The following INAVA variants were observed in gnomAD, a reference collection of about 807,000 sequenced individuals.
INAVA encodes the protein innate immunity activator protein.
In INAVA, 32 loss-of-function variants were observed where a neutral mutation model predicts 55.3. The ratio of observed to expected loss-of-function variants is 0.58; its 90% confidence interval spans 0.44 to 0.78. The LOEUF is 0.78. INAVA is among the 30% of genes least tolerant of loss of function. INAVA has a pLI of 0.00. For missense variants in INAVA, 756 were observed against 786.4 expected, an observed-to-expected ratio of 0.96 and a Z score of 0.46; for synonymous variants, 294 against 329.4, an observed-to-expected ratio of 0.89 and a Z score of 1.16.
chr1:200,893,711 T>C (rs564370336), upstream of INAVA, among the ~76,000 whole-genome samples: 188 of 152,264 alleles, frequency 1.2e-3, 1 homozygote, highest in Non-Finnish European at 2.4e-3. Flanking sequence ...AAAGGGTGTG[T>C]ACAGGAATGT....
intron 1 of INAVA, among the ~76,000 whole-genome samples, chr1:200,897,642 T>A (rs2102301278): frequency 6.6e-6 from 1 of 152,280 alleles, no homozygotes; most frequent in South Asian, 2.1e-4. Flanking sequence ...CCTTTCTTTT[T>A]TTTTTGGAGA....
chr1:200,911,628 A>G lies in INAVA; in HGVS notation c.1135A>G (p.Ile379Val), dbSNP rs1167769760. 1.2e-6 allele frequency: 2 copies of G among 1,613,876 alleles called. No individual in the cohort carries two copies. Among genetic ancestry groups the G allele is most frequent in the South Asian group, 1.1e-5 (1 of 91,060 alleles). ...SEDSGSDVSSISHPTSPGSSS... is the reference protein window; with the variant it reads ...SEDSGSDVSSVSHPTSPGSSS... ...AGACAGTGGCTCTGACGTCTCCAGC[A>G]TCTCCCACCCCACTTCGCCGGGCAG... Residue 379 changes from isoleucine to valine, a missense_variant, in exon 9 of 10, where the codon ATC becomes GTC. By Grantham distance (29) the Ile-to-Val change is conservative (BLOSUM62 3). Around this residue, in one of 2 missense-constraint regions of INAVA, gnomAD observed 639 missense variants for 624.3 expected, o/e 1.02. Coordinates refer to ENST00000413687, the MANE Select transcript of INAVA (RefSeq NM_001142569.3).
rs1161135748 is a variant in INAVA at position 200,900,959 on chromosome 1, G to T, written c.320G>T (p.Arg107Leu). 5.8e-6 allele frequency: 9 copies of T among 1,552,146 alleles called. No individual in the cohort carries two copies. Among genetic ancestry groups the T allele is most frequent in the African/African-American group, 4.1e-5 (3 of 73,176 alleles). ...CAGGACCCCCTAAGCAGCCTGGAGC[G>T]CCAGCTGGCCCTGCAGCTGCAGATC... The part of the protein sequence containing the change: ...HREDPLSSLE[R>L]QLALQLQITE... The change falls in exon 5 of 10, where the codon CGC (arginine) becomes CTC (leucine). Residue 107 changes from arginine (R) to leucine (L), a missense_variant. By Grantham distance (102) the Arg-to-Leu change is moderately radical. Around this residue, in one of 2 missense-constraint regions of INAVA, gnomAD observed 639 missense variants for 624.3 expected, o/e 1.02. Coordinates refer to ENST00000413687, the MANE Select transcript of INAVA (RefSeq NM_001142569.3).
rs1653613370 is a variant in INAVA at position 200,909,136 on chromosome 1, C to G, written c.786-88C>G. ...GTTTGCCCTACTAACTTTGGGAGCCCCTTCCACTGCATCCCCATTCTTCTG... is the reference window on the plus strand; with the variant it reads ...GTTTGCCCTACTAACTTTGGGAGCCGCTTCCACTGCATCCCCATTCTTCTG... On this transcript the variant is annotated intron_variant, in intron 7 of 9. Coordinates refer to ENST00000413687, the MANE Select transcript of INAVA (RefSeq NM_001142569.3). 3.5e-6 allele frequency: 5 copies of G among 1,429,040 alleles called. No individual in the cohort carries two copies. The South Asian group carries it at 7.4e-5, about 21-fold the overall frequency. The allele number at this position is 1,429,040 out of a possible 1,614,324, so 88.5% of individuals were successfully genotyped here. A position where few individuals can be genotyped will look rare whatever the true frequency, so the allele number is the denominator to read the frequency against.
intron 2 of INAVA, 51 bp from the exon 3 acceptor site, chr1:200,899,422 G>A (rs1386509319): frequency 1.2e-6 from 2 of 1,610,316 alleles, no homozygotes; most frequent in Admixed American, 1.7e-5. Flanking sequence ...AAGTAACGGA[G>A]GAGGCTTCCA....
At chr1:200,906,733 G>A (rs184999177) in intron 5 of INAVA, among the ~76,000 whole-genome samples, 16 of 152,236 alleles carry the variant, frequency 1.1e-4, no homozygotes, top group South Asian at 6.2e-4. Context: ...CCTACCTTGC[G>A]TTCCTCTTGT....
chr1:200,907,700 CAG>C (rs1475254531), intron 5 of INAVA, 132 bp from the exon 6 acceptor site: 2 of 607,600 alleles, frequency 3.3e-6, no homozygotes, highest in Non-Finnish European at 5.7e-6. Flanking sequence ...ATTTAGCACA[CAG>C]AGGGTATTTC....
At position 200,907,804 on chromosome 1, in the gene INAVA, C is replaced by T. The variant is rs1653557156; in HGVS notation, c.521-30C>T. On this transcript the variant is annotated intron_variant, in intron 5 of 9. Coordinates refer to ENST00000413687, the MANE Select transcript of INAVA (RefSeq NM_001142569.3). ...ATCTGTTTGTTCATTTCTTCACTTCCTTCTCTTCTCTCCCCTTTGTCTTTC... is the reference window on the plus strand; with the variant it reads ...ATCTGTTTGTTCATTTCTTCACTTCTTTCTCTTCTCTCCCCTTTGTCTTTC... 6.9e-6 allele frequency: 11 copies of T among 1,596,568 alleles called. No individual in the cohort carries two copies. In the East Asian group the frequency reaches 2.3e-4, roughly 33 times the overall value.
In INAVA at chr1:200,900,102, A is replaced by T; in HGVS notation, c.181-2A>T. On this transcript the variant is annotated splice_acceptor_variant, in intron 3 of 9. Coordinates refer to ENST00000413687, the MANE Select transcript of INAVA (RefSeq NM_001142569.3). LOFTEE classifies it high-confidence loss of function. ...CCTGGCTGGTCTCTGCTTCCTCCCC[A>T]GGAGCTGACGGGCACCTTGCCAGCG... 1 of 1,610,198 alleles carries T rather than the reference A, an allele frequency of 6.2e-7. No homozygotes were observed. Among genetic ancestry groups the T allele is most frequent in the South Asian group, 1.1e-5 (1 of 90,372 alleles).
At chr1:200,910,823 G>T (rs1653681172) in intron 8 of INAVA, among the ~76,000 whole-genome samples, 1 of 152,170 alleles carries the variant, frequency 6.6e-6, no homozygotes. Context: ...GGCAGACACA[G>T]CCCCATACCT....
chr1:200,898,523 C>T (rs937393937), intron 2 of INAVA, 68 bp downstream of exon 2: 4 of 1,554,646 alleles, frequency 2.6e-6, no homozygotes, highest in Admixed American at 1.7e-5. Context: ...GGCCCTGACT[C>T]CTGAGTCCTG....
chr1:200,896,591 T>C (rs552597305), intron 1 of INAVA, among the ~76,000 whole-genome samples: 1 of 152,376 alleles, frequency 6.6e-6, no homozygotes, highest in South Asian at 2.1e-4. Context: ...CCTTGAATAA[T>C]TGAAATTCCA....
intron 5 of INAVA, among the ~76,000 whole-genome samples, chr1:200,902,429 C>T (rs1253673342): frequency 6.6e-6 from 1 of 152,252 alleles, no homozygotes; most frequent in African/African-American, 2.4e-5. Context: ...GAGGAGGTGC[C>T]TCCATGTGAC....
upstream of INAVA, chr1:200,891,534 A>T: frequency 1.2e-6 from 2 of 1,605,396 alleles, no homozygotes; most frequent in East Asian, 2.3e-5. Context: ...GATCTTTAAC[A>T]TTTGGGATGC....
upstream of INAVA, among the ~76,000 whole-genome samples, chr1:200,892,570 T>C (rs574648179): frequency 6.6e-6 from 1 of 152,280 alleles, no homozygotes; most frequent in Admixed American, 6.5e-5. Context: ...TACTATAATG[T>C]TTTGCAAGGA....
intron 8 of INAVA, among the ~76,000 whole-genome samples, chr1:200,910,438 G>A (rs1238351374): frequency 6.6e-6 from 1 of 152,186 alleles, no homozygotes; most frequent in African/African-American, 2.4e-5. Context: ...GCGTTGACAG[G>A]CAGTATTGGC....
intron 7 of INAVA, 74 bp from the exon 8 acceptor site, chr1:200,909,150 C>T: frequency 6.9e-7 from 1 of 1,450,690 alleles, no homozygotes; most frequent in Non-Finnish European, 9.2e-7. Flanking sequence ...CCACTGCATC[C>T]CCATTCTTCT....
intron 2 of INAVA, 82 bp downstream of exon 2, chr1:200,898,537 C>T (rs1653063795): frequency 1.3e-6 from 2 of 1,497,142 alleles, no homozygotes; most frequent in African/African-American, 1.4e-5. Flanking sequence ...AGTCCTGAGC[C>T]CTCAGGCACT....
chr1:200,893,991 G>A (rs1038340762), upstream of INAVA, among the ~76,000 whole-genome samples: 1 of 152,284 alleles, frequency 6.6e-6, no homozygotes, highest in East Asian at 1.9e-4. Context: ...AGACTTGAGG[G>A]GTGCAGCCTG....
Sources: allele counts gnomAD v4.1 joint callset (sites outside exome capture counted in the v4.1 genomes callset), GRCh38; gene constraint gnomAD v4.1.1; regional missense constraint gnomAD v4.1.1; transcripts MANE v1.5; gene names NCBI Gene and HGNC (gene_info 2026-07-23, HGNC 2026-07-21).